PCDHGB3: variants seen among roughly 807,000 people sequenced by gnomAD.
PCDHGB3 encodes protocadherin gamma subfamily B, 3, also known as protocadherin gamma-B3.
In PCDHGB3, 40 loss-of-function variants were observed where a neutral mutation model predicts 59.2. The observed-to-expected ratio is 0.68, with a 90% CI of 0.52 to 0.88. The LOEUF (loss-of-function observed/expected upper bound fraction) is 0.88. Among genes scored for constraint, PCDHGB3 ranks in the 40% least tolerant of loss-of-function variants. The pLI, the probability that PCDHGB3 is intolerant of heterozygous loss-of-function variation, is 0.00. For missense variants in PCDHGB3, 1,309 were observed against 1,187.9 expected, an observed-to-expected ratio of 1.10 and a Z score of -1.50; for synonymous variants, 581 against 503.6, an observed-to-expected ratio of 1.15 and a Z score of -2.06.
intron 1 of PCDHGB3, among the ~76,000 whole-genome samples, chr5:141,460,653 GT>G (rs2098994590): frequency 6.6e-6 from 1 of 151,844 alleles, no homozygotes; most frequent in Admixed American, 6.6e-5. Context: ...TTACACATAT[GT>G]AACTGTAAAC....
At position 141,371,300 on chromosome 5, in the gene PCDHGB3, CA is replaced by C; in HGVS notation, c.907del (p.Thr303LeufsTer33). On this transcript the variant is annotated frameshift_variant, in exon 1 of 4. Coordinates refer to ENST00000576222, the MANE Select transcript of PCDHGB3 (RefSeq NM_018924.5). LOFTEE classifies it high-confidence loss of function. ...TGGACAGTAAAACGGGGGAACTCAC[CA>C]CTATTGGAGAACTGGACTTTGAAGA... The part of the protein sequence containing the change: ...KLDSKTGELT[T>X]IGELDFEERD... The C allele has an allele frequency of 6.2e-7, 1 of 1,613,950 alleles. No homozygotes were observed. Among genetic ancestry groups the C allele is most frequent in the Non-Finnish European group, 8.5e-7 (1 of 1,179,878 alleles).
At position 141,489,474 on chromosome 5, in the gene PCDHGB3, C is replaced by T. The variant is rs772297075; in HGVS notation, c.2416-5333C>T. On this transcript the variant is annotated intron_variant, in intron 1 of 3. Transcript: ENST00000576222. The surrounding 1 kb of genome is among the most constrained non-coding windows in gnomAD (Gnocchi z 4.5). ...AGAATGGGCGCTATTTTTCCCTGAG[C>T]TTGATGAGTGGTGCCCTGGCAGTGA... 6.2e-7 allele frequency: 1 copy of T among 1,614,108 alleles called. No individual in the cohort carries two copies. The highest frequency in any genetic ancestry group is 8.5e-7 in the Non-Finnish European group (1 of 1,180,034).
chr5:141,413,926 T>C, intron 1 of PCDHGB3: 4 of 1,613,380 alleles, frequency 2.5e-6, no homozygotes, highest in Non-Finnish European at 3.4e-6. Flanking sequence ...CTTGCCAGAA[T>C]ACCGAGTGAG....
intron 1 of PCDHGB3, chr5:141,418,575 C>T (rs2154547779): frequency 6.2e-7 from 1 of 1,614,018 alleles, no homozygotes; most frequent in East Asian, 2.2e-5. Context: ...AATGACAACC[C>T]CCCAGTGTTC....
Position 141,491,176 on chromosome 5 carries a change from G to A in PCDHGB3, c.2416-3631G>A. The A allele has an allele frequency of 1.2e-6, 2 of 1,614,210 alleles. No homozygotes were observed. The highest frequency in any genetic ancestry group is 8.5e-7 in the Non-Finnish European group (1 of 1,180,024). On this transcript the variant is annotated intron_variant, in intron 1 of 3. Transcript: ENST00000576222. The surrounding 1 kb of genome is among the most constrained non-coding windows in gnomAD (Gnocchi z 6.9). ...TGACTCTGACACCCAGCAGGTGGTG[G>A]TCCTGGTGAGGGACAATGGTGACCC...
chr5:141,409,220 G>A (rs1327857530), intron 1 of PCDHGB3: 1 of 1,613,988 alleles, frequency 6.2e-7, no homozygotes, highest in Non-Finnish European at 8.5e-7. Context: ...AATCCTTGAT[G>A]AAAACGACAA....
At chr5:141,414,481 C>T (rs1011579090) in intron 1 of PCDHGB3, 2 of 1,613,948 alleles carry the variant, frequency 1.2e-6, no homozygotes, top group Non-Finnish European at 1.7e-6. Context: ...AAGTCCTCCT[C>T]TATCAACGGA....
At chr5:141,424,901 C>G (rs2096846997) in intron 1 of PCDHGB3, among the ~76,000 whole-genome samples, 1 of 152,134 alleles carries the variant, frequency 6.6e-6, no homozygotes, top group African/African-American at 2.4e-5. Context: ...TTTTTGATCA[C>G]AGGAATCATT....
At position 141,371,601 on chromosome 5, in the gene PCDHGB3, A is replaced by G. The variant is rs770903429; in HGVS notation, c.1207A>G (p.Arg403Gly). 5 of 1,613,988 alleles carry G rather than the reference A, an allele frequency of 3.1e-6. No homozygotes were observed. The East Asian group carries it at 8.9e-5, about 29-fold the overall frequency. ...CGTTCAAGATACCAAAAACACATAC[A>G]GGTTGGTGACAGATGGAGCCCTGGA... ...KIVQDTKNTY[R>G]LVTDGALDRE... The change falls in exon 1 of 4, where the codon AGG becomes GGG. Residue 403 changes from arginine to glycine, a missense_variant. Transcript: ENST00000576222.
At chr5:141,459,603 A>G (rs867387156) in intron 1 of PCDHGB3, among the ~76,000 whole-genome samples, 1 of 152,244 alleles carries the variant, frequency 6.6e-6, no homozygotes, top group Non-Finnish European at 1.5e-5. Flanking sequence ...AATGGGAAGT[A>G]TATGCTTAAC....
intron 3 of PCDHGB3, chr5:141,507,089 C>T (rs564539147): frequency 2.0e-5 from 3 of 152,298 alleles, no homozygotes; most frequent in Admixed American, 1.3e-4. Context: ...TAAGTTTATG[C>T]TCTTTCTACT....
In PCDHGB3 at chr5:141,489,094, G is replaced by T; in HGVS notation, c.2416-5713G>T. The T allele has an allele frequency of 1.5e-5, 6 of 395,994 alleles. No homozygotes were observed. The highest frequency in any genetic ancestry group is 4.1e-5 in the East Asian group (1 of 24,388). The allele number at this position is 395,994 out of a possible 1,614,324, so 24.5% of individuals were successfully genotyped here. ...CCCACCCCCGCCACTCGGTGACTAA[G>T]AACTGCTGCAAGCAGGCAAACCTCC... On this transcript the variant is annotated intron_variant, in intron 1 of 3. Coordinates refer to ENST00000576222, the MANE Select transcript of PCDHGB3 (RefSeq NM_018924.5). This position sits in a 1 kb window ranked among gnomAD's most constrained non-coding sequence, Gnocchi z 4.5.
chr5:141,432,096 A>G lies in PCDHGB3; in HGVS notation c.2415+59287A>G, dbSNP rs763154183. On this transcript the variant is annotated intron_variant, in intron 1 of 3. Transcript: ENST00000576222. This position sits in a 1 kb window ranked among gnomAD's most constrained non-coding sequence, Gnocchi z 6.0. Reference sequence around the variant, plus strand: ...ATCTCGCTGAACGTGGCAGACACCAACGACAACCCGCCGGTCTTCCCTCAG... The same window carrying G: ...ATCTCGCTGAACGTGGCAGACACCAGCGACAACCCGCCGGTCTTCCCTCAG... The G allele has an allele frequency of 1.9e-6, 3 of 1,613,944 alleles. No homozygotes were observed. Among genetic ancestry groups the G allele is most frequent in the East Asian group, 2.2e-5 (1 of 44,870 alleles).
At chr5:141,394,282 C>G (rs375429182) in intron 1 of PCDHGB3, 11 of 1,613,864 alleles carry the variant, frequency 6.8e-6, no homozygotes, top group Non-Finnish European at 8.5e-6. Flanking sequence ...GTCACTTACT[C>G]TGTGACCGAG....
chr5:141,440,818 C>T (rs906112291), intron 1 of PCDHGB3: 2 of 152,124 alleles, frequency 1.3e-5, no homozygotes, highest in Non-Finnish European at 2.9e-5. Flanking sequence ...TCACTCAACT[C>T]CTGATCCTAT....
In PCDHGB3 at chr5:141,485,615, C is replaced by G; in HGVS notation, c.2416-9192C>G. ...CTTGGAAATTGGGGAGGCAGCTCCTCCAGGACAGCGTTTCCCGTTGGAAAA... is the reference window on the plus strand; with the variant it reads ...CTTGGAAATTGGGGAGGCAGCTCCTGCAGGACAGCGTTTCCCGTTGGAAAA... On this transcript the variant is annotated intron_variant, in intron 1 of 3. Coordinates refer to ENST00000576222, the MANE Select transcript of PCDHGB3 (RefSeq NM_018924.5). This position sits in a 1 kb window ranked among gnomAD's most constrained non-coding sequence, Gnocchi z 5.7. 6.2e-7 allele frequency: 1 copy of G among 1,612,250 alleles called. No individual in the cohort carries two copies. The highest frequency in any genetic ancestry group is 1.3e-5 in the African/African-American group (1 of 74,992).
intron 1 of PCDHGB3, chr5:141,395,193 T>C (rs748986857): frequency 1.2e-6 from 2 of 1,614,024 alleles, no homozygotes; most frequent in South Asian, 1.1e-5. Flanking sequence ...TTTGTTAACA[T>C]CCGTAGATTT....
chr5:141,410,158 G>T (rs755466762), intron 1 of PCDHGB3: 2 of 1,613,516 alleles, frequency 1.2e-6, no homozygotes, highest in Non-Finnish European at 8.5e-7. Context: ...GTGGACAGCC[G>T]CCACTCTCTG....
In PCDHGB3 at chr5:141,370,392, G is replaced by GGGATGGGAAATAGCTCC; in HGVS notation, c.5_21dup. The GGGATGGGAAATAGCTCC allele has an allele frequency of 6.5e-7, 1 of 1,544,790 alleles. No individual in the cohort carries two copies. Among genetic ancestry groups the GGGATGGGAAATAGCTCC allele is most frequent in the Non-Finnish European group, 8.7e-7 (1 of 1,148,572 alleles). Reference sequence around the variant, plus strand: ...TTAGAAAGGCAAAGGCGCAGAGAGCGGGATGGGAAATAGCTCCGGATGGAG... The same window carrying GGGATGGGAAATAGCTCC: ...TTAGAAAGGCAAAGGCGCAGAGAGCGGGATGGGAAATAGCTCCGGATGGGAAATAGCTCCGGATGGAG... On this transcript the variant is annotated 5_prime_UTR_variant, in exon 1 of 4. In the 5' UTR this introduces an upstream ATG that the reference lacks. Coordinates refer to ENST00000576222, the MANE Select transcript of PCDHGB3 (RefSeq NM_018924.5).
Sources: allele counts gnomAD v4.1 joint callset (sites outside exome capture counted in the v4.1 genomes callset), GRCh38; gene constraint gnomAD v4.1.1; non-coding constraint Gnocchi (gnomAD v3.1); transcripts MANE v1.5; gene names NCBI Gene and HGNC (gene_info 2026-07-23, HGNC 2026-07-21).